The following AUTS2 variants were observed in gnomAD, a reference collection of about 807,000 sequenced individuals.
AUTS2 encodes autism susceptibility gene 2 protein.
Under a neutral mutation model 112.4 loss-of-function variants are expected in AUTS2, and 17 were observed. That is an observed-to-expected ratio of 0.15 (90% CI 0.10 to 0.23). The LOEUF (loss-of-function observed/expected upper bound fraction) is 0.23. Ranked by LOEUF, AUTS2 falls within the 10% of genes least tolerant of loss-of-function variation. The pLI, the probability that AUTS2 is intolerant of heterozygous loss-of-function variation, is 1.00. For missense variants in AUTS2, 1,510 were observed against 1,701.6 expected (o/e 0.89, Z 1.98); for synonymous variants, 751 against 702.7 (o/e 1.07, Z -1.09).
At chr7:70,722,626 G>A (rs1786761073) in intron 6 of AUTS2, among the ~76,000 whole-genome samples, 2 of 152,162 alleles carry the variant, frequency 1.3e-5, no homozygotes, top group Admixed American at 1.3e-4. Flanking sequence ...AAGCTGACAG[G>A]TTAATCAATA....
chr7:70,554,069 C>A (rs1013195604), intron 5 of AUTS2, among the ~76,000 whole-genome samples: 3 of 98,160 alleles, frequency 3.1e-5, no homozygotes, highest in Non-Finnish European at 6.4e-5. Flanking sequence ...TGCACCTGGC[C>A]TTTTTTTTTT....
intron 1 of AUTS2, among the ~76,000 whole-genome samples, chr7:69,823,971 ACTT>A (rs1791120922): frequency 6.6e-6 from 1 of 152,164 alleles, no homozygotes; most frequent in Non-Finnish European, 1.5e-5. Context: ...CAAGACCTGA[ACTT>A]CTCTTTGCCT....
At chr7:69,895,502 C>T (rs537417928) in intron 1 of AUTS2, among the ~76,000 whole-genome samples, 2 of 152,124 alleles carry the variant, frequency 1.3e-5, no homozygotes, top group Non-Finnish European at 2.9e-5. Context: ...ACCTCTTAAG[C>T]CACCACCTCT....
chr7:69,966,856 A>G (rs1797653176), intron 2 of AUTS2, among the ~76,000 whole-genome samples: 1 of 152,006 alleles, frequency 6.6e-6, no homozygotes, highest in Non-Finnish European at 1.5e-5. Context: ...AAATAAAAAT[A>G]TTTTCTTTAC....
intron 4 of AUTS2, among the ~76,000 whole-genome samples, chr7:70,146,800 G>A (rs1012348627): frequency 6.6e-6 from 1 of 152,080 alleles, no homozygotes; most frequent in Non-Finnish European, 1.5e-5. Context: ...AAAACTGAAT[G>A]CTCTATACTT....
chr7:70,277,046 T>C (rs1584962514), intron 4 of AUTS2, among the ~76,000 whole-genome samples: 1 of 152,002 alleles, frequency 6.6e-6, no homozygotes, highest in Admixed American at 6.6e-5. Context: ...ATATACATGG[T>C]TTTGTAATGG....
At chr7:70,295,673 C>G (rs1788900403) in intron 4 of AUTS2, among the ~76,000 whole-genome samples, 1 of 152,100 alleles carries the variant, frequency 6.6e-6, no homozygotes, top group African/African-American at 2.4e-5. Context: ...CTTTCACTAC[C>G]CATTCATAGG....
At chr7:70,144,654 G>A (rs939167760) in intron 4 of AUTS2, among the ~76,000 whole-genome samples, 1 of 152,012 alleles carries the variant, frequency 6.6e-6, no homozygotes, top group African/African-American at 2.4e-5. Context: ...TAGGTCAGAA[G>A]GGACTTCAGA....
At chr7:70,539,239 A>G (rs549963252) in intron 5 of AUTS2, among the ~76,000 whole-genome samples, 6 of 152,214 alleles carry the variant, frequency 3.9e-5, no homozygotes, top group Admixed American at 2.6e-4. Flanking sequence ...CATAGTTACT[A>G]TGTTGTTGTT....
At chr7:70,521,102 G>A (rs186888007) in intron 5 of AUTS2, among the ~76,000 whole-genome samples, 2 of 152,232 alleles carry the variant, frequency 1.3e-5, no homozygotes, top group Admixed American at 6.5e-5. Flanking sequence ...TAGGTGTTTG[G>A]TCACTGAGTA....
At chr7:70,589,917 C>G (rs994103150) in intron 5 of AUTS2, among the ~76,000 whole-genome samples, 1 of 152,168 alleles carries the variant, frequency 6.6e-6, no homozygotes, top group African/African-American at 2.4e-5. Flanking sequence ...CTGTTCCCCA[C>G]TCAAACACTC....
intron 5 of AUTS2, among the ~76,000 whole-genome samples, chr7:70,460,848 G>T (rs1041391988): frequency 2.0e-5 from 3 of 152,146 alleles, no homozygotes; most frequent in African/African-American, 7.2e-5. Flanking sequence ...TGCCTGCATG[G>T]TGCCTTGCTG....
chr7:69,762,682 A>G (rs967064191), intron 1 of AUTS2, among the ~76,000 whole-genome samples: 2 of 152,178 alleles, frequency 1.3e-5, no homozygotes, highest in African/African-American at 4.8e-5. Flanking sequence ...TATTAAATCA[A>G]ACAATCAGTT....
chr7:70,250,105 A>G (rs1331659362), intron 4 of AUTS2, among the ~76,000 whole-genome samples: 2 of 152,028 alleles, frequency 1.3e-5, no homozygotes, highest in Non-Finnish European at 2.9e-5. Flanking sequence ...TTCCCTTCAA[A>G]GCAAGACAAC....
chr7:70,581,120 C>T (rs557797393), intron 5 of AUTS2, among the ~76,000 whole-genome samples: 6 of 152,048 alleles, frequency 3.9e-5, no homozygotes, highest in African/African-American at 9.7e-5. Flanking sequence ...TAGTGGCTCA[C>T]GCTTGTAATA....
chr7:70,242,335 T>G (rs1041638340), intron 4 of AUTS2, among the ~76,000 whole-genome samples: 7 of 152,162 alleles, frequency 4.6e-5, no homozygotes, highest in African/African-American at 1.7e-4. Context: ...GACTGGCCAT[T>G]AATTATCTTC....
At chr7:70,772,119 C>T (rs891787720) in intron 11 of AUTS2, among the ~76,000 whole-genome samples, 2 of 152,170 alleles carry the variant, frequency 1.3e-5, no homozygotes, top group Non-Finnish European at 2.9e-5. Flanking sequence ...TCATTTCCCT[C>T]GCCAACCCCA....
chr7:70,724,443 C>CTTTTTTTTTTTTTTTTTTT (rs71077675), intron 6 of AUTS2, among the ~76,000 whole-genome samples: 14 of 101,384 alleles, frequency 1.4e-4, no homozygotes, highest in East Asian at 4.0e-4. Context: ...TTCATCCTGA[C>CTTTTTTTTTTTTTTTTTTT]TTTTTTTTTT....
chr7:69,956,153 C>T (rs1797200744), intron 2 of AUTS2, among the ~76,000 whole-genome samples: 1 of 152,016 alleles, frequency 6.6e-6, no homozygotes, highest in South Asian at 2.1e-4. Flanking sequence ...CTCTTTCTCC[C>T]TTCACCTGGC....
Sources: gnomAD v4.1 joint callset for allele counts (sites outside exome capture counted in the v4.1 genomes callset) on GRCh38, gnomAD v4.1.1 for gene constraint, MANE v1.5 for transcripts, NCBI Gene and HGNC (gene_info 2026-07-23, HGNC 2026-07-21) for gene names.